The following DOCK1 variants were observed in gnomAD, a reference collection of about 807,000 sequenced individuals.
DOCK1 encodes the protein dedicator of cytokinesis 1.
A neutral mutation model predicts 262.7 loss-of-function variants in DOCK1; 138 were observed. The ratio of observed to expected loss-of-function variants is 0.53; its 90% CI spans 0.46 to 0.61. DOCK1 has a LOEUF of 0.61. Ranked by LOEUF, DOCK1 falls within the 20% of genes least tolerant of loss-of-function variation. The pLI is 0.00. For synonymous variants in DOCK1, 866 were observed against 867.4 expected (o/e 1.00, Z 0.03); for missense variants, 1,908 against 2,370.7 (o/e 0.80, Z 4.05).
chr10:127,194,225 C>T (rs1564891107), intron 27 of DOCK1, among the ~76,000 whole-genome samples: 1 of 152,206 alleles, frequency 6.6e-6, no homozygotes, highest in Non-Finnish European at 1.5e-5. Flanking sequence ...TTAGTGATAG[C>T]TGTGCTAGAC....
At chr10:127,271,064 A>G (rs1455695581) in intron 29 of DOCK1, among the ~76,000 whole-genome samples, 2 of 152,036 alleles carry the variant, frequency 1.3e-5, no homozygotes, top group East Asian at 1.9e-4. Context: ...TGTGTTCTAG[A>G]TAAGATCCTT....
At chr10:127,128,461 C>T (rs759858511) in intron 27 of DOCK1, among the ~76,000 whole-genome samples, 2 of 149,762 alleles carry the variant, frequency 1.3e-5, no homozygotes, top group Non-Finnish European at 2.9e-5. Flanking sequence ...CCATGGTGGT[C>T]TGCTGCACCT....
At chr10:127,183,398 C>T (rs1404208337) in intron 27 of DOCK1, among the ~76,000 whole-genome samples, 1 of 152,148 alleles carries the variant, frequency 6.6e-6, no homozygotes, top group East Asian at 1.9e-4. Flanking sequence ...TATGAAAATG[C>T]CACAATGTTT....
chr10:127,280,008 T>TCA (rs1343661984), intron 29 of DOCK1, among the ~76,000 whole-genome samples: 2 of 50,986 alleles, frequency 3.9e-5, no homozygotes, highest in African/African-American at 7.7e-5. Flanking sequence ...AAATTTTATT[T>TCA]CATATATATA....
At chr10:127,144,654 A>C (rs2051617978) in intron 27 of DOCK1, among the ~76,000 whole-genome samples, 1 of 152,162 alleles carries the variant, frequency 6.6e-6, no homozygotes, top group Non-Finnish European at 1.5e-5. Flanking sequence ...GTTATATACT[A>C]TTTCTATATT....
At chr10:126,934,653 T>C (rs2034430629) in intron 1 of DOCK1, among the ~76,000 whole-genome samples, 1 of 152,094 alleles carries the variant, frequency 6.6e-6, no homozygotes, top group African/African-American at 2.4e-5. Context: ...TGAAAAGATG[T>C]GTGTCAACTT....
intron 23 of DOCK1, among the ~76,000 whole-genome samples, chr10:127,077,973 G>A (rs761375465): frequency 5.3e-5 from 8 of 152,006 alleles, no homozygotes; most frequent in Non-Finnish European, 1.0e-4. Flanking sequence ...TCTCTTGGGA[G>A]CCCAGGGGCA....
intron 27 of DOCK1, among the ~76,000 whole-genome samples, chr10:127,180,295 G>A (rs1207294218): frequency 1.3e-5 from 2 of 152,202 alleles, no homozygotes; most frequent in Non-Finnish European, 2.9e-5. Context: ...GCATGAAGCT[G>A]CAATAGGATT....
chr10:127,317,754 C>CG (rs2062347827), intron 29 of DOCK1, among the ~76,000 whole-genome samples: 4 of 152,082 alleles, frequency 2.6e-5, no homozygotes, highest in Admixed American at 6.6e-5. Context: ...TGAAACTTGC[C>CG]GGTGTGCCTG....
At chr10:127,201,803 A>G (rs942465866) in intron 27 of DOCK1, among the ~76,000 whole-genome samples, 2 of 151,926 alleles carry the variant, frequency 1.3e-5, no homozygotes, top group Non-Finnish European at 2.9e-5. Context: ...GAAACCCTTT[A>G]TTTTGTTGAC....
rs553145612 is a variant in DOCK1 at position 126,913,390 on chromosome 10, G to A, written c.46+7827G>A. Among the ~76,000 whole-genome samples, 3 of 152,328 alleles carry A rather than the reference G, an allele frequency of 2.0e-5. No homozygotes were observed. The East Asian group carries it at 5.8e-4, about 29-fold the overall frequency. ...GCAAAACCCGGGCTTTGGTGCTGGT[G>A]TCACACACTTGGTGACCCAGGGCTG... On this transcript the variant is annotated intron_variant, in intron 1 of 51. Coordinates refer to ENST00000623213, the MANE Select transcript of DOCK1 (RefSeq NM_001290223.2).
intron 24 of DOCK1, among the ~76,000 whole-genome samples, chr10:127,109,450 A>G (rs1301668961): frequency 2.0e-5 from 3 of 152,210 alleles, no homozygotes; most frequent in Non-Finnish European, 4.4e-5. Context: ...GGTTTTTAGT[A>G]TATTTACGAA....
chr10:127,033,981 A>G (rs997324708), intron 18 of DOCK1, among the ~76,000 whole-genome samples: 7 of 152,036 alleles, frequency 4.6e-5, no homozygotes, highest in African/African-American at 1.4e-4. Context: ...TTCTCGAACC[A>G]TTTATGAAGG....
chr10:127,449,284 C>T (rs534647774), intron 51 of DOCK1, among the ~76,000 whole-genome samples: 4 of 152,332 alleles, frequency 2.6e-5, no homozygotes, highest in South Asian at 4.1e-4. Flanking sequence ...CTAACAGCTT[C>T]GTTAATTGGT....
At chr10:127,197,932 T>C (rs1224730112) in intron 27 of DOCK1, among the ~76,000 whole-genome samples, 1 of 152,240 alleles carries the variant, frequency 6.6e-6, no homozygotes, top group Non-Finnish European at 1.5e-5. Context: ...TTTCCCTCTT[T>C]ACCCCGCAGC....
At chr10:127,181,190 A>G (rs1313807887) in intron 27 of DOCK1, among the ~76,000 whole-genome samples, 1 of 152,250 alleles carries the variant, frequency 6.6e-6, no homozygotes, top group African/African-American at 2.4e-5. Context: ...ATGCATAGGT[A>G]TATACGTGCC....
At chr10:127,335,122 A>G (rs2063137214) in intron 29 of DOCK1, among the ~76,000 whole-genome samples, 1 of 152,134 alleles carries the variant, frequency 6.6e-6, no homozygotes, top group South Asian at 2.1e-4. Context: ...TCAGTTACCT[A>G]GTGAGCATAT....
chr10:127,330,611 A>T (rs2135659519), intron 29 of DOCK1, among the ~76,000 whole-genome samples: 1 of 152,312 alleles, frequency 6.6e-6, no homozygotes, highest in Admixed American at 6.5e-5. Context: ...CATAAGGTAC[A>T]TAAATTTGGA....
intron 29 of DOCK1, among the ~76,000 whole-genome samples, chr10:127,294,838 C>T (rs2766029): frequency 1.8e-3 from 278 of 152,064 alleles, no homozygotes; most frequent in African/African-American, 6.2e-3. Context: ...GACGAGTTTT[C>T]GCCACATTGG....
Sources: allele counts gnomAD v4.1 joint callset (sites outside exome capture counted in the v4.1 genomes callset), GRCh38; gene constraint gnomAD v4.1.1; transcripts MANE v1.5; gene names NCBI Gene and HGNC (gene_info 2026-07-23, HGNC 2026-07-21).